The following B4GALT6 variants were observed in gnomAD, a reference collection of about 807,000 sequenced individuals.
B4GALT6 encodes beta-1,4-galactosyltransferase 6, also known as UDP-Gal:beta-GlcNAc beta-1,4-galactosyltransferase 6.
A neutral mutation model predicts 46.3 loss-of-function variants in B4GALT6; 14 were observed. The ratio of observed to expected loss-of-function variants is 0.30; its 90% CI spans 0.20 to 0.47. The LOEUF is 0.47. Ranked by LOEUF, B4GALT6 falls within the 20% of genes least tolerant of loss-of-function variation. The probability of loss-of-function intolerance (pLI) is 0.99; values close to 1 mark genes in which losing one functional copy is unlikely to be tolerated. For missense variants in B4GALT6, 386 were observed against 480.1 expected, an observed-to-expected ratio of 0.80 and a Z score of 1.83; for synonymous variants, 168 against 162.0, an observed-to-expected ratio of 1.04 and a Z score of -0.28.
At chr18:31,636,627 C>T (rs961520946) in intron 5 of B4GALT6, among the ~76,000 whole-genome samples, 2 of 152,136 alleles carry the variant, frequency 1.3e-5, no homozygotes, top group African/African-American at 4.8e-5. Flanking sequence ...TTGGAAAGGT[C>T]AGTATACATT....
the B4GALT6 span, among the ~76,000 whole-genome samples, chr18:31,700,512 A>G: frequency 2.0e-5 from 3 of 151,320 alleles, no homozygotes; most frequent in Non-Finnish European, 2.9e-5. Context: ...GCTGGAGTGC[A>G]GTGGCACAAT....
chr18:31,684,225 C>T, intron 1 of B4GALT6, 87 bp downstream of exon 1: 1 of 1,585,044 alleles, frequency 6.3e-7, no homozygotes. Context: ...GTTTGAACAG[C>T]TTCCAAATCC....
At chr18:31,694,563 G>T in the B4GALT6 span, among the ~76,000 whole-genome samples, 1 of 152,206 alleles carries the variant, frequency 6.6e-6, no homozygotes, top group African/African-American at 2.4e-5. Flanking sequence ...GCCATGAAGT[G>T]ACTTCAGTCA....
At chr18:31,723,762 T>C in the B4GALT6 span, among the ~76,000 whole-genome samples, 1 of 152,202 alleles carries the variant, frequency 6.6e-6, no homozygotes, top group African/African-American at 2.4e-5. Flanking sequence ...ATGTGTGCTC[T>C]GCCTGCCACC....
chr18:31,718,714 G>A, the B4GALT6 span, among the ~76,000 whole-genome samples: 1,767 of 152,226 alleles, frequency 0.012, 13 homozygotes, highest in Non-Finnish European at 0.018. Flanking sequence ...AGAAGAAGCC[G>A]CTACCAGGAA....
chr18:31,635,008 C>A (rs1483837300), intron 5 of B4GALT6, among the ~76,000 whole-genome samples: 1 of 152,018 alleles, frequency 6.6e-6, no homozygotes, highest in Non-Finnish European at 1.5e-5. Context: ...TTTGGGAGGC[C>A]GAGGAGGGTG....
At chr18:31,695,446 T>C in the B4GALT6 span, among the ~76,000 whole-genome samples, 4 of 152,110 alleles carry the variant, frequency 2.6e-5, no homozygotes, top group Non-Finnish European at 5.9e-5. Context: ...GAATTCTTTG[T>C]AGTGGAACCC....
chr18:31,657,922 T>C, intron 3 of B4GALT6, 54 bp downstream of exon 3: 1 of 1,427,898 alleles, frequency 7.0e-7, no homozygotes, highest in Non-Finnish European at 9.8e-7. Flanking sequence ...GTGGTTTTTA[T>C]GACTGTATTG....
At chr18:31,693,827 G>A in the B4GALT6 span, among the ~76,000 whole-genome samples, 1 of 152,074 alleles carries the variant, frequency 6.6e-6, no homozygotes, top group East Asian at 1.9e-4. Flanking sequence ...AATTGCCCAG[G>A]CATGGCAGTA....
chr18:31,691,292 C>CATATATATATAT, the B4GALT6 span, among the ~76,000 whole-genome samples: 1 of 117,456 alleles, frequency 8.5e-6, no homozygotes, highest in African/African-American at 4.5e-5. Context: ...CATAATTTTA[C>CATATATATATAT]ATATATATAT....
intron 3 of B4GALT6, among the ~76,000 whole-genome samples, chr18:31,652,613 A>G (rs2074085612): frequency 6.6e-6 from 1 of 152,194 alleles, no homozygotes; most frequent in African/African-American, 2.4e-5. Flanking sequence ...AACTTCAAAC[A>G]AAACGGCCCA....
At chr18:31,712,526 C>T in the B4GALT6 span, among the ~76,000 whole-genome samples, 1 of 152,070 alleles carries the variant, frequency 6.6e-6, no homozygotes, top group Non-Finnish European at 1.5e-5. Context: ...TGGTCTCGAA[C>T]TCCTGACCTC....
chr18:31,640,955 A>G (rs1612691), intron 4 of B4GALT6, among the ~76,000 whole-genome samples: 89,210 of 152,158 alleles, frequency 0.59, 28,259 homozygotes, highest in African/African-American at 0.85. Context: ...TCCCACCACT[A>G]ACCTTATCTA....
intron 5 of B4GALT6, among the ~76,000 whole-genome samples, chr18:31,637,671 A>C (rs918909191): frequency 1.3e-5 from 2 of 152,224 alleles, no homozygotes; most frequent in Non-Finnish European, 2.9e-5. Context: ...CACAGTACAA[A>C]GAAATCCTCA....
upstream of B4GALT6, among the ~76,000 whole-genome samples, chr18:31,690,343 C>A (rs1156962545): frequency 6.6e-6 from 1 of 152,024 alleles, no homozygotes; most frequent in Non-Finnish European, 1.5e-5. Flanking sequence ...GTTGGCCAAG[C>A]TGCTCTCAAA....
At chr18:31,694,315 G>A in the B4GALT6 span, among the ~76,000 whole-genome samples, 393 of 152,346 alleles carry the variant, frequency 2.6e-3, 1 homozygote, top group African/African-American at 9.0e-3. Flanking sequence ...GTCTGCTAGA[G>A]TCTGAAACAG....
At chr18:31,715,372 T>C in the B4GALT6 span, among the ~76,000 whole-genome samples, 3 of 152,018 alleles carry the variant, frequency 2.0e-5, no homozygotes, top group Admixed American at 1.3e-4. Flanking sequence ...ACTACAGGCA[T>C]GTACCAGCAC....
At chr18:31,711,373 C>T in the B4GALT6 span, among the ~76,000 whole-genome samples, 1 of 151,926 alleles carries the variant, frequency 6.6e-6, no homozygotes, top group South Asian at 2.1e-4. Flanking sequence ...AACTTCGTAC[C>T]CAATAGTTAT....
chr18:31,683,507 A>C (rs185839334), intron 1 of B4GALT6, among the ~76,000 whole-genome samples: 6 of 152,328 alleles, frequency 3.9e-5, no homozygotes, highest in Admixed American at 2.6e-4. Flanking sequence ...TTAACGCCGC[A>C]TTGGCTCCTT....
Sources: gnomAD v4.1 joint callset for allele counts (sites outside exome capture counted in the v4.1 genomes callset) on GRCh38, gnomAD v4.1.1 for gene constraint, MANE v1.5 for transcripts, NCBI Gene and HGNC (gene_info 2026-07-23, HGNC 2026-07-21) for gene names.